The following MAP3K8 variants were observed in gnomAD, a reference collection of about 807,000 sequenced individuals.
MAP3K8 encodes mitogen-activated protein kinase kinase kinase 8.
A neutral mutation model predicts 45.8 loss-of-function variants in MAP3K8; 22 were observed. That is an observed-to-expected ratio of 0.48 (90% confidence interval 0.34 to 0.69). MAP3K8 has a LOEUF of 0.69. MAP3K8 is among the 30% of genes least tolerant of loss of function. MAP3K8 has a pLI of 0.01. For missense variants in MAP3K8, 419 were observed against 585.0 expected (o/e 0.72, Z 2.93); for synonymous variants, 223 against 214.3 (o/e 1.04, Z -0.36).
At chr10:30,459,818 T>C (rs1471219978) in intron 8 of MAP3K8, among the ~76,000 whole-genome samples, 2 of 152,132 alleles carry the variant, frequency 1.3e-5, no homozygotes, top group Non-Finnish European at 1.5e-5. Context: ...ATGACAGCTT[T>C]GCAGTTGGTT....
chr10:30,457,568 T>A (rs964751274), intron 6 of MAP3K8, among the ~76,000 whole-genome samples: 2 of 152,230 alleles, frequency 1.3e-5, no homozygotes, highest in Non-Finnish European at 2.9e-5. Context: ...AGAACTTTGA[T>A]GAGTGGGAGT....
At chr10:30,445,599 C>G (rs758990082) in intron 3 of MAP3K8, among the ~76,000 whole-genome samples, 1 of 152,054 alleles carries the variant, frequency 6.6e-6, no homozygotes, top group Non-Finnish European at 1.5e-5. Flanking sequence ...GAGTAGGGTT[C>G]TGTCTAAATG....
chr10:30,461,094 C>T lies in MAP3K8; in HGVS notation c.*258C>T, dbSNP rs1343000425. The T allele has an allele frequency of 1.1e-5, 4 of 378,984 alleles. No homozygotes were observed. The highest frequency in any genetic ancestry group is 4.2e-5 in the East Asian group (1 of 23,866). 23.5% of individuals were successfully genotyped at this position (378,984 alleles called of 1,614,324 possible). ...GGAATTTGAGAGTTCACAGAAGGAT[C>T]GTGTCTGCTGACTGTTTCATTCACT... On this transcript the variant is annotated 3_prime_UTR_variant, in exon 9 of 9. Transcript: ENST00000263056.
chr10:30,448,087 T>C, intron 4 of MAP3K8, 138 bp downstream of exon 4: 2 of 727,370 alleles, frequency 2.7e-6, no homozygotes, highest in East Asian at 5.6e-5. Flanking sequence ...AAAGCATTTG[T>C]TTTTCTGAAT....
In MAP3K8 at chr10:30,458,271, G is replaced by GGT. The variant is rs547632553; in HGVS notation, c.1026+36_1026+37insTG. ...GTTCAACCAGGGCTGGGGGCGGCGG[G>GGT]GGGGGGCGTTGAGTTATGCATCCCG... On this transcript the variant is annotated intron_variant, in intron 7 of 8. Transcript: ENST00000263056. The GGT allele has an allele frequency of 2.0e-4, 279 of 1,367,058 alleles. 31 individuals are homozygous for GGT. The highest frequency in any genetic ancestry group is 2.3e-4 in the Non-Finnish European group (241 of 1,029,212). 84.7% of individuals were successfully genotyped at this position (1,367,058 alleles called of 1,614,324 possible).
At position 30,458,183 on chromosome 10, in the gene MAP3K8, C is replaced by T. The variant is rs1431523218; in HGVS notation, c.973C>T (p.Pro325Ser). The T allele has an allele frequency of 6.3e-7, 1 of 1,593,780 alleles. No individual in the cohort carries two copies. The highest frequency in any genetic ancestry group is 8.5e-7 in the Non-Finnish European group (1 of 1,169,626). ...GCTCATCCACATGCAGACGGGCACCCCACCCTGGGTGAAGCGCTACCCTCG... is the reference window on the plus strand; with the variant it reads ...GCTCATCCACATGCAGACGGGCACCTCACCCTGGGTGAAGCGCTACCCTCG... The part of the protein sequence containing the change: ...ATLIHMQTGT[P>S]PWVKRYPRSA... The change falls in exon 7 of 9, where the codon CCA becomes TCA. Residue 325 changes from proline to serine, a missense_variant. Transcript: ENST00000263056.
rs780701286 is a variant in MAP3K8 at position 30,447,845 on chromosome 10, C to A, written c.400C>A (p.Leu134Met). 1 of 1,613,608 alleles carries A rather than the reference C, an allele frequency of 6.2e-7. No individual in the cohort carries two copies. Among genetic ancestry groups the A allele is most frequent in the South Asian group, 1.1e-5 (1 of 91,052 alleles). The change falls in exon 4 of 9, where the codon CTG becomes ATG. Residue 134 changes from leucine (L) to methionine (M), a missense_variant. Leu to Met is a conservative substitution (Grantham distance 15). Coordinates refer to ENST00000263056, the MANE Select transcript of MAP3K8 (RefSeq NM_005204.4). ...DSDVLLIPWK[L>M]TYRNIGSDFI... is the part of the protein sequence containing the mutation. ...CGATGTTCTCCTGATCCCCTGGAAG[C>A]TGACTTACAGGAATATTGGTTCTGA...
At chr10:30,438,739 G>T in intron 2 of MAP3K8, 177 bp from the exon 3 acceptor site, 1 of 516,666 alleles carries the variant, frequency 1.9e-6, no homozygotes, top group East Asian at 3.2e-5. Context: ...GGTTATCTTA[G>T]GTCCCTTTCA....
intron 3 of MAP3K8, among the ~76,000 whole-genome samples, 164 bp from the exon 4 acceptor site, chr10:30,447,618 C>T (rs1213892477): frequency 6.6e-6 from 1 of 152,164 alleles, no homozygotes; most frequent in Non-Finnish European, 1.5e-5. Flanking sequence ...TCCTCAAGCT[C>T]TAAATATAGT....
chr10:30,457,906 A>T (rs1258063114), intron 6 of MAP3K8, among the ~76,000 whole-genome samples, 178 bp from the exon 7 acceptor site: 1 of 152,126 alleles, frequency 6.6e-6, no homozygotes, highest in East Asian at 1.9e-4. Context: ...GCGCCCGGCC[A>T]GGTGTTCTTC....
chr10:30,436,929 G>C (rs1483679398), intron 1 of MAP3K8, among the ~76,000 whole-genome samples: 1 of 150,578 alleles, frequency 6.6e-6, no homozygotes. Flanking sequence ...CAGTAAATTC[G>C]ACAAGCAGAA....
At chr10:30,442,217 G>A (rs928055) in intron 3 of MAP3K8, among the ~76,000 whole-genome samples, 62,146 of 152,104 alleles carry the variant, frequency 0.41, 15,699 homozygotes, top group African/African-American at 0.7. Flanking sequence ...TTCCCAGCAC[G>A]TGTGCATGCT....
In MAP3K8 at chr10:30,434,588, G is replaced by A. The variant is rs544245037; in HGVS notation, c.-255+210G>A. ...GCACCTTGCGCAAGGGTCTCACGGGGTGCAGACTCGCGACTCCTCCCCCTT... is the reference window on the plus strand; with the variant it reads ...GCACCTTGCGCAAGGGTCTCACGGGATGCAGACTCGCGACTCCTCCCCCTT... On this transcript the variant is annotated intron_variant, in intron 1 of 8. Transcript: ENST00000263056. 4.6e-5 allele frequency: 45 copies of A among 986,010 alleles called. No homozygotes were observed. In the South Asian group the frequency reaches 1.5e-3, roughly 32 times the overall value. 61.1% of individuals were successfully genotyped at this position (986,010 alleles called of 1,614,324 possible). A position where few individuals can be genotyped will look rare whatever the true frequency, so the allele number is the denominator to read the frequency against.
rs562599646 is a variant in MAP3K8, at chr10:30,454,373, C to T, written c.873+2629C>T. Among the ~76,000 whole-genome samples, 124 of 136,222 alleles carry T rather than the reference C, an allele frequency of 9.1e-4. 1 individual carries two copies. Among genetic ancestry groups the T allele is most frequent in the African/African-American group, 2.8e-3 (116 of 40,814 alleles). The allele number at this position is 136,222 out of a possible 152,430, so 89.4% of individuals were successfully genotyped here. A position where few individuals can be genotyped will look rare whatever the true frequency, so the allele number is the denominator to read the frequency against. ...CCTGGGCAACATAGTGAGACCCCAT[C>T]GCTACAAAAAGTAAACAAACAAACA... On this transcript the variant is annotated intron_variant, in intron 6 of 8. Coordinates refer to ENST00000263056, the MANE Select transcript of MAP3K8 (RefSeq NM_005204.4).
In MAP3K8 at chr10:30,438,930, G is replaced by A. The variant is rs1004915792; in HGVS notation, c.-9G>A. 6.3e-7 allele frequency: 1 copy of A among 1,580,140 alleles called. No individual in the cohort carries two copies. The highest frequency in any genetic ancestry group is 8.6e-7 in the Non-Finnish European group (1 of 1,157,306). On this transcript the variant is annotated 5_prime_UTR_variant, in exon 3 of 9. Coordinates refer to ENST00000263056, the MANE Select transcript of MAP3K8 (RefSeq NM_005204.4). ...TTCTTTCCTAGACTCTCCAGAAAGA[G>A]CAACAGTAATGGAGTACATGAGCAC...
intron 3 of MAP3K8, among the ~76,000 whole-genome samples, chr10:30,441,547 T>C (rs543910502): frequency 6.6e-6 from 1 of 152,272 alleles, no homozygotes; most frequent in South Asian, 2.1e-4. Flanking sequence ...TGATCAAGAA[T>C]ATAACATATA....
chr10:30,458,332 C>A, intron 7 of MAP3K8, 96 bp downstream of exon 7: 1 of 767,014 alleles, frequency 1.3e-6, no homozygotes, highest in Non-Finnish European at 1.9e-6. Context: ...TTCTATACCA[C>A]CCCCATCTGA....
At chr10:30,458,258 C>A in intron 7 of MAP3K8, 22 bp downstream of exon 7, 1 of 499,844 alleles carries the variant, frequency 2.0e-6, no homozygotes, top group Non-Finnish European at 3.1e-6. Context: ...TCAACCAGGG[C>A]TGGGGGCGGC....
chr10:30,458,014 C>G, intron 6 of MAP3K8, 70 bp from the exon 7 acceptor site: 1 of 1,317,294 alleles, frequency 7.6e-7, no homozygotes, highest in Non-Finnish European at 1.0e-6. Context: ...ATTTCCAGAA[C>G]TGGATTAGGG....
Sources: gnomAD v4.1 joint callset for allele counts (sites outside exome capture counted in the v4.1 genomes callset) on GRCh38, gnomAD v4.1.1 for gene constraint, MANE v1.5 for transcripts, NCBI Gene and HGNC (gene_info 2026-07-23, HGNC 2026-07-21) for gene names.